The following CLEC6A variants were observed in gnomAD, a reference collection of about 807,000 sequenced individuals.
The protein encoded by CLEC6A is C-type lectin domain containing 6A.
CLEC6A carries 22 observed loss-of-function variants against 25.7 expected under a neutral mutation model. The ratio of observed to expected loss-of-function variants is 0.85; its 90% CI spans 0.61 to 1.22. CLEC6A has a LOEUF of 1.22. Among genes scored for constraint, CLEC6A ranks in the 50% most tolerant of loss-of-function variants. CLEC6A has a pLI of 0.00. For missense variants in CLEC6A, 240 were observed against 236.8 expected (o/e 1.01, Z -0.09); for synonymous variants, 92 against 76.7 (o/e 1.20, Z -1.04).
intron 3 of CLEC6A, chr12:8,461,184 G>A: frequency 8.6e-7 from 1 of 1,159,462 alleles, no homozygotes; most frequent in African/African-American, 1.5e-5. Flanking sequence ...GTTCTCATCT[G>A]GCAGATTGGA....
intron 3 of CLEC6A, among the ~76,000 whole-genome samples, chr12:8,461,436 C>T (rs1939752404): frequency 6.6e-6 from 1 of 152,164 alleles, no homozygotes; most frequent in Non-Finnish European, 1.5e-5. Flanking sequence ...CTTCAGAATG[C>T]CCTGAAATGG....
At chr12:8,475,455 T>C (rs1298596401) in intron 4 of CLEC6A, among the ~76,000 whole-genome samples, 5 of 152,002 alleles carry the variant, frequency 3.3e-5, no homozygotes, top group Non-Finnish European at 7.4e-5. Context: ...TCCTGCAGTC[T>C]GCCATCTGGA....
chr12:8,461,132 G>A (rs748918768), intron 3 of CLEC6A: 26 of 1,583,744 alleles, frequency 1.6e-5, no homozygotes, highest in African/African-American at 1.6e-4. Context: ...TGAAAGAGCC[G>A]TGGCCTTGGA....
chr12:8,469,661 C>A (rs1333000002), intron 4 of CLEC6A, among the ~76,000 whole-genome samples: 1 of 151,968 alleles, frequency 6.6e-6, no homozygotes, highest in Non-Finnish European at 1.5e-5. Flanking sequence ...TTCAACAAAG[C>A]AAACAAAAAC....
intron 4 of CLEC6A, among the ~76,000 whole-genome samples, chr12:8,474,480 G>T (rs1177905376): frequency 6.6e-6 from 1 of 152,174 alleles, no homozygotes. Context: ...TAGCCTTATA[G>T]TATAGTTTGA....
chr12:8,464,793 G>A (rs1447581146), intron 3 of CLEC6A, among the ~76,000 whole-genome samples: 2 of 152,128 alleles, frequency 1.3e-5, no homozygotes, highest in Non-Finnish European at 1.5e-5. Context: ...GTGGCAAACT[G>A]GTACTTGTAA....
chr12:8,472,309 G>A (rs750295133), intron 4 of CLEC6A, among the ~76,000 whole-genome samples: 8 of 152,232 alleles, frequency 5.3e-5, no homozygotes, highest in Non-Finnish European at 1.2e-4. Context: ...GCAGTAATAA[G>A]CTGCCATGCT....
At position 8,455,978 on chromosome 12, in the gene CLEC6A, T is replaced by G; in HGVS notation, c.-134T>G. 6.6e-6 allele frequency: 4 copies of G among 609,720 alleles called. No homozygotes were observed. Among genetic ancestry groups the G allele is most frequent in the Non-Finnish European group, 8.5e-6 (3 of 353,768 alleles). The allele number at this position is 609,720 out of a possible 1,614,324, so 37.8% of individuals were successfully genotyped here. A position where few individuals can be genotyped will look rare whatever the true frequency, so the allele number is the denominator to read the frequency against. On this transcript the variant is annotated 5_prime_UTR_variant, in exon 1 of 6. The change abolishes the stop of an existing upstream ORF in the 5' untranslated region. Coordinates refer to ENST00000382073, the MANE Select transcript of CLEC6A (RefSeq NM_001007033.2). ...GGTACACTTAATGTTGGAAGTCTCT[T>G]AGTCCTATAAGAGTGTGTAGCAGTT...
chr12:8,456,609 T>A (rs1939678128), intron 1 of CLEC6A, among the ~76,000 whole-genome samples: 1 of 152,100 alleles, frequency 6.6e-6, no homozygotes, highest in Admixed American at 6.5e-5. Flanking sequence ...CCATCAATAA[T>A]GTTTTAAAAA....
At chr12:8,465,440 C>T in intron 3 of CLEC6A, 44 bp from the exon 4 acceptor site, 2 of 1,600,116 alleles carry the variant, frequency 1.2e-6, no homozygotes, top group Non-Finnish European at 1.7e-6. Context: ...TCTCATTTAT[C>T]TTATCTTGCA....
At chr12:8,465,369 C>A in intron 3 of CLEC6A, 115 bp from the exon 4 acceptor site, 2 of 989,010 alleles carry the variant, frequency 2.0e-6, no homozygotes, top group Non-Finnish European at 2.9e-6. Flanking sequence ...TTCTATAATT[C>A]AGGAAACAGT....
intron 1 of CLEC6A, 28 bp from the exon 2 acceptor site, chr12:8,457,870 T>C (rs758390583): frequency 5.7e-6 from 9 of 1,575,586 alleles, no homozygotes; most frequent in Non-Finnish European, 7.9e-6. Context: ...CCCTGGTAAC[T>C]GCATTTGTTG....
intron 4 of CLEC6A, among the ~76,000 whole-genome samples, chr12:8,467,441 G>T (rs773808982): frequency 6.6e-6 from 1 of 152,314 alleles, no homozygotes; most frequent in East Asian, 1.9e-4. Flanking sequence ...ATTTGTTAAA[G>T]AGAGATTGTC....
chr12:8,459,776 C>A, intron 3 of CLEC6A, 78 bp downstream of exon 3: 1 of 899,338 alleles, frequency 1.1e-6, no homozygotes, highest in South Asian at 1.3e-5. Context: ...TTGGTGTATT[C>A]TATTGTGCAT....
Position 8,476,170 on chromosome 12 carries a change from G to C in CLEC6A, c.415G>C (p.Gly139Arg), listed in dbSNP as rs1394078753. Reference sequence around the variant, plus strand: ...GAATGAGTCATTTTCTTATTTTCTGGGGCTTTCAGACCCACAAGGTAATAA... The same window carrying C: ...GAATGAGTCATTTTCTTATTTTCTGCGGCTTTCAGACCCACAAGGTAATAA... Reference protein sequence around the residue: ...QLNESFSYFLGLSDPQGNNNW... With the variant: ...QLNESFSYFLRLSDPQGNNNW... Residue 139 changes from glycine (G) to arginine (R), a missense_variant, in exon 5 of 6, where the codon GGG becomes CGG. Coordinates refer to ENST00000382073, the MANE Select transcript of CLEC6A (RefSeq NM_001007033.2). The C allele has an allele frequency of 1.9e-6, 3 of 1,609,796 alleles. No individual in the cohort carries two copies. The African/African-American group carries it at 4.0e-5, about 22-fold the overall frequency.
In CLEC6A at chr12:8,457,049, G is replaced by T. The variant is rs186482950; in HGVS notation, c.32-849G>T. ...CACTTGAACCCAGGAGGTGGAGGTT[G>T]CAGGGTGCCAAGATTGCCTCATTGT... On this transcript the variant is annotated intron_variant, in intron 1 of 5. Transcript: ENST00000382073. Among the ~76,000 whole-genome samples the T allele has an allele frequency of 2.6e-5, 4 of 152,076 alleles. No individual in the cohort carries two copies. In the East Asian group the frequency reaches 7.7e-4, roughly 29 times the overall value.
At chr12:8,456,190 T>C in intron 1 of CLEC6A, 48 bp downstream of exon 1, 1 of 1,572,306 alleles carries the variant, frequency 6.4e-7, no homozygotes, top group Admixed American at 1.7e-5. Context: ...TATGGTGAAA[T>C]GAGATCACCT....
In CLEC6A at chr12:8,478,121, G is replaced by A. The variant is rs746385666; in HGVS notation, c.*657G>A. ...GAAATATGTGTTAAGATCTCTCGCT[G>A]ATTGGGAATTTGTCTATTTCTCATT... On this transcript the variant is annotated 3_prime_UTR_variant, in exon 6 of 6. Transcript: ENST00000382073. 60 of 152,086 alleles carry A rather than the reference G, an allele frequency of 3.9e-4. No individual in the cohort carries two copies. Among genetic ancestry groups the A allele is most frequent in the African/African-American group, 1.4e-3 (59 of 41,530 alleles). 9.4% of individuals were successfully genotyped at this position (152,086 alleles called of 1,614,324 possible). A position where few individuals can be genotyped will look rare whatever the true frequency, so the allele number is the denominator to read the frequency against.
chr12:8,472,991 C>CTTTTTTTTTTTTTTTTT (rs1565484384), intron 4 of CLEC6A, among the ~76,000 whole-genome samples: 1 of 2,472 alleles, frequency 4.0e-4, no homozygotes, highest in African/African-American at 5.3e-4. Flanking sequence ...TTAGCTCCTA[C>CTTTTTTTTTTTTTTTTT]TTCTTTTTTT....
Sources: allele counts gnomAD v4.1 joint callset (sites outside exome capture counted in the v4.1 genomes callset), GRCh38; gene constraint gnomAD v4.1.1; transcripts MANE v1.5; gene names NCBI Gene and HGNC (gene_info 2026-07-23, HGNC 2026-07-21).